Variants in OTOGL observed in about 807,000 individuals in gnomAD.
The protein encoded by OTOGL is otogelin like, also known as otogelin-like protein.
In OTOGL, 285 loss-of-function variants were observed where a neutral mutation model predicts 318.5. The ratio of observed to expected loss-of-function variants is 0.89; its 90% confidence interval spans 0.81 to 0.99. The LOEUF (loss-of-function observed/expected upper bound fraction) is 0.99, where lower values mean the gene tolerates loss of function less well. Ranked by LOEUF, OTOGL falls within the 50% of genes least tolerant of loss-of-function variation. The probability of loss-of-function intolerance (pLI) is 0.00; values close to 1 mark genes in which losing one functional copy is unlikely to be tolerated. For synonymous variants in OTOGL, 987 were observed against 936.5 expected, an observed-to-expected ratio of 1.05 and a Z score of -0.99; for missense variants, 2,899 against 2,845.6, an observed-to-expected ratio of 1.02 and a Z score of -0.43.
intron 1 of OTOGL, among the ~76,000 whole-genome samples, chr12:80,131,628 AC>A (rs1871246075): frequency 6.6e-6 from 1 of 152,194 alleles, no homozygotes. Flanking sequence ...TGTGCTAGGT[AC>A]CATACAATTT....
rs577938390 is a variant in OTOGL at position 80,352,205 on chromosome 12, C to A, written c.5266-90C>A. 211 of 1,175,258 alleles carry A rather than the reference C, an allele frequency of 1.8e-4. 2 individuals carry two copies. Among genetic ancestry groups the A allele is most frequent in the East Asian group, 4.2e-4 (17 of 40,118 alleles). The allele number at this position is 1,175,258 out of a possible 1,614,324, so 72.8% of individuals were successfully genotyped here. A position where few individuals can be genotyped will look rare whatever the true frequency, so the allele number is the denominator to read the frequency against. On this transcript the variant is annotated intron_variant, in intron 44 of 58. Coordinates refer to ENST00000547103, the MANE Select transcript of OTOGL (RefSeq NM_001378609.3). ...AGTATAATGAATATTAACTTGCTACCCTTTGATTCTCCAAATAATCTTAGT... is the reference window on the plus strand; with the variant it reads ...AGTATAATGAATATTAACTTGCTACACTTTGATTCTCCAAATAATCTTAGT...
chr12:80,116,260 C>T (rs1450638846), intron 1 of OTOGL, among the ~76,000 whole-genome samples: 1 of 152,022 alleles, frequency 6.6e-6, no homozygotes, highest in African/African-American at 2.4e-5. Flanking sequence ...ATAGCACCAT[C>T]CCTCATGGCA....
intron 42 of OTOGL, among the ~76,000 whole-genome samples, chr12:80,337,207 C>T (rs1026682401): frequency 6.6e-6 from 1 of 151,610 alleles, no homozygotes; most frequent in African/African-American, 2.4e-5. Context: ...AATATTTTCC[C>T]CTGTGAGGTT....
At chr12:80,229,486 CAA>C in intron 8 of OTOGL, 108 bp downstream of exon 8, 1 of 1,344,834 alleles carries the variant, frequency 7.4e-7, no homozygotes, top group Non-Finnish European at 1.0e-6. Flanking sequence ...AGGATTTCTT[CAA>C]CAATACTCTT....
At chr12:80,206,039 C>T (rs778116541) in intron 1 of OTOGL, among the ~76,000 whole-genome samples, 1 of 152,136 alleles carries the variant, frequency 6.6e-6, no homozygotes, top group Non-Finnish European at 1.5e-5. Context: ...CTGTTTATTG[C>T]TTGTATTATG....
chr12:80,200,093 C>G (rs1214428253), intron 1 of OTOGL, among the ~76,000 whole-genome samples: 1 of 152,182 alleles, frequency 6.6e-6, no homozygotes, highest in Non-Finnish European at 1.5e-5. Context: ...AAGCATTAAT[C>G]TAGGTCAAAT....
rs1262241263 is a variant in OTOGL, at chr12:80,108,914, A to ATATGTGTG, written c.-20+9310_-20+9311insATGTGTGT. 4.6e-3 allele frequency among the ~76,000 whole-genome samples: 567 copies of ATATGTGTG among 122,422 alleles called. 7 individuals are homozygous for ATATGTGTG. Among genetic ancestry groups the ATATGTGTG allele is most frequent in the African/African-American group, 0.017 (493 of 28,904 alleles). The allele number at this position is 122,422 out of a possible 152,430, so 80.3% of individuals were successfully genotyped here. A position where few individuals can be genotyped will look rare whatever the true frequency, so the allele number is the denominator to read the frequency against. On this transcript the variant is annotated intron_variant, in intron 1 of 58. Coordinates refer to ENST00000547103, the MANE Select transcript of OTOGL (RefSeq NM_001378609.3). ...TATGTGTATATATATGTGTATATAT[A>ATATGTGTG]TGTGTATATATATATGTGTGTGTAT...
intron 1 of OTOGL, among the ~76,000 whole-genome samples, chr12:80,102,107 G>T (rs1869175319): frequency 6.6e-6 from 1 of 152,132 alleles, no homozygotes; most frequent in Non-Finnish European, 1.5e-5. Flanking sequence ...ATACAAGTAG[G>T]ATGCAGAATG....
Position 80,210,858 on chromosome 12 carries a change from G to A in OTOGL, c.91G>A (p.Ala31Thr). Residue 31 changes from alanine (A) to threonine (T), a missense_variant, in exon 3 of 59, where the codon GCA (alanine) becomes ACA (threonine). Ala to Thr is a moderately conservative substitution (Grantham distance 58). This residue lies in a region of OTOGL where 2,607 missense variants were observed against 2,524.9 expected (regional missense o/e 1.03). Transcript: ENST00000547103. Reference sequence around the variant, plus strand: ...TTTGTCTCTGGCAGAATATATTTGTGCATCGTCTATATTGATGGGAACATC... The same window carrying A: ...TTTGTCTCTGGCAGAATATATTTGTACATCGTCTATATTGATGGGAACATC... ...LLFSLQEYIC[A>T]SSILMGTSKN... The A allele has an allele frequency of 6.8e-7, 1 of 1,470,960 alleles. No individual in the cohort carries two copies. 91.1% of individuals were successfully genotyped at this position (1,470,960 alleles called of 1,614,324 possible).
intron 26 of OTOGL, among the ~76,000 whole-genome samples, chr12:80,282,200 C>G (rs1884283478): frequency 6.6e-6 from 1 of 151,810 alleles, no homozygotes; most frequent in Non-Finnish European, 1.5e-5. Context: ...ATCTTTTCCT[C>G]CAGCAAACTA....
chr12:80,166,832 G>A (rs1401760629), intron 1 of OTOGL, among the ~76,000 whole-genome samples: 3 of 152,108 alleles, frequency 2.0e-5, no homozygotes, highest in Admixed American at 1.3e-4. Flanking sequence ...GGAGTACATG[G>A]TGAGATAAAT....
intron 24 of OTOGL, among the ~76,000 whole-genome samples, chr12:80,273,880 G>A (rs768731847): frequency 2.0e-5 from 3 of 152,068 alleles, no homozygotes; most frequent in Admixed American, 1.3e-4. Context: ...ATCTGTTATG[G>A]TAATCTGTAA....
intron 18 of OTOGL, 117 bp from the exon 19 acceptor site, chr12:80,261,851 CA>C (rs1159099170): frequency 8.2e-7 from 1 of 1,223,768 alleles, no homozygotes; most frequent in East Asian, 2.8e-5. Context: ...TAGAAAATTT[CA>C]AGCTGTAAGA....
chr12:80,153,042 C>G lies in OTOGL; in HGVS notation c.-20+53437C>G, dbSNP rs114242975. Among the ~76,000 whole-genome samples the G allele has an allele frequency of 6.6e-3, 1,001 of 152,240 alleles. 13 individuals carry two copies. Among genetic ancestry groups the G allele is most frequent in the African/African-American group, 0.023 (958 of 41,526 alleles). ...AATAAGTACTTTATTTTTTAAATAG[C>G]AATTTTAGTTTCATAGCAAAATTGA... On this transcript the variant is annotated intron_variant, in intron 1 of 58. Transcript: ENST00000547103.
chr12:80,202,784 T>G (rs947874149), intron 1 of OTOGL, among the ~76,000 whole-genome samples: 3 of 152,178 alleles, frequency 2.0e-5, no homozygotes, highest in African/African-American at 7.2e-5. Context: ...AGTTACTGGA[T>G]AGAGGTAGTC....
intron 44 of OTOGL, among the ~76,000 whole-genome samples, chr12:80,342,394 GA>G (rs200002548): frequency 2.6e-5 from 4 of 151,812 alleles, no homozygotes; most frequent in Non-Finnish European, 4.4e-5. Context: ...ACAGCTTTCA[GA>G]AAAAAAATGA....
Position 80,209,466 on chromosome 12 carries a change from C to A in OTOGL, c.35C>A (p.Pro12His). 1 of 1,514,276 alleles carries A rather than the reference C, an allele frequency of 6.6e-7. No homozygotes were observed. Among genetic ancestry groups the A allele is most frequent in the Non-Finnish European group, 8.8e-7 (1 of 1,132,312 alleles). The allele number at this position is 1,514,276 out of a possible 1,614,324, so 93.8% of individuals were successfully genotyped here. A position where few individuals can be genotyped will look rare whatever the true frequency, so the allele number is the denominator to read the frequency against. ...GTAAGAAAACTCAATTTAATGATAC[C>A]TTGGAGTATATTCTTGCTTCATGTA... ...NIVRKLNLMI[P>H]WSIFLLHVLL... Residue 12 changes from proline (P) to histidine (H), a missense_variant, in exon 2 of 59, where the codon CCT becomes CAT. Physicochemically the swap from Pro to His is moderately conservative, Grantham distance 77. This residue lies in a region of OTOGL where 2,607 missense variants were observed against 2,524.9 expected (regional missense o/e 1.03). Coordinates refer to ENST00000547103, the MANE Select transcript of OTOGL (RefSeq NM_001378609.3).
At chr12:80,349,352 C>T (rs530642669) in intron 44 of OTOGL, among the ~76,000 whole-genome samples, 15 of 152,182 alleles carry the variant, frequency 9.9e-5, no homozygotes, top group Non-Finnish European at 1.5e-4. Flanking sequence ...TTACTATTAA[C>T]GCTATTTCAC....
chr12:80,324,765 A>C (rs2137853978), intron 35 of OTOGL, among the ~76,000 whole-genome samples: 1 of 152,316 alleles, frequency 6.6e-6, no homozygotes, highest in South Asian at 2.1e-4. Context: ...TAAAGAATCA[A>C]GTTTTGGCCT....
Sources: gnomAD v4.1 joint callset for allele counts (sites outside exome capture counted in the v4.1 genomes callset) on GRCh38, gnomAD v4.1.1 for gene constraint, gnomAD v4.1.1 regional missense constraint, MANE v1.5 for transcripts, NCBI Gene and HGNC (gene_info 2026-07-23, HGNC 2026-07-21) for gene names.